RARB: variants seen among roughly 807,000 people sequenced by gnomAD.
The protein encoded by RARB is HBV-activated protein.
Under a neutral mutation model 51.9 loss-of-function variants are expected in RARB, and 17 were observed. The observed-to-expected ratio is 0.33, with a 90% CI of 0.22 to 0.49. The LOEUF (loss-of-function observed/expected upper bound fraction) is 0.49. Ranked by LOEUF, RARB falls within the 20% of genes least tolerant of loss-of-function variation. The pLI is 0.99. For synonymous variants in RARB, 215 were observed against 195.4 expected, an observed-to-expected ratio of 1.10 and a Z score of -0.84; for missense variants, 369 against 550.8, an observed-to-expected ratio of 0.67 and a Z score of 3.30.
chr3:25,511,141 GT>G (rs61573718), intron 3 of RARB, among the ~76,000 whole-genome samples: 1 of 150,704 alleles, frequency 6.6e-6, no homozygotes, highest in African/African-American at 2.4e-5. Context: ...GTTTTGGTTT[GT>G]TTTTTTTTGA....
intron 5 of RARB, among the ~76,000 whole-genome samples, chr3:25,581,475 A>G (rs1463340247): frequency 6.6e-6 from 1 of 152,118 alleles, no homozygotes; most frequent in Non-Finnish European, 1.5e-5. Flanking sequence ...TGGAAGACAA[A>G]GTGTGCTGAC....
At chr3:25,354,746 C>T (rs1156470624) in intron 5 of RARB, among the ~76,000 whole-genome samples, 1 of 152,110 alleles carries the variant, frequency 6.6e-6, no homozygotes, top group African/African-American at 2.4e-5. Flanking sequence ...GGGTTAGATA[C>T]ACTGAGCAAT....
intron 4 of RARB, among the ~76,000 whole-genome samples, chr3:25,146,755 A>G (rs1292115011): frequency 2.0e-5 from 3 of 151,624 alleles, no homozygotes; most frequent in South Asian, 4.2e-4. Flanking sequence ...TCCTGACCTC[A>G]TGATCCGCCC....
At position 25,591,272 on chromosome 3, in the gene RARB, CT is replaced by C. The variant is rs1701600444; in HGVS notation, c.787-2230del. On this transcript the variant is annotated intron_variant, in intron 5 of 7. Transcript: ENST00000330688. The stretch of plus-strand genomic sequence containing the variant: ...TGAGGACATGTCCTGATTTAGATAT[CT>C]CTCTACCACCCCTCCCAATATAAAA... 6.6e-5 allele frequency among the ~76,000 whole-genome samples: 10 copies of C among 152,302 alleles called. No individual in the cohort carries two copies. The South Asian group carries it at 2.1e-3, about 32-fold the overall frequency.
intron 5 of RARB, among the ~76,000 whole-genome samples, chr3:25,323,700 C>T (rs879889821): frequency 6.6e-6 from 1 of 152,272 alleles, no homozygotes; most frequent in South Asian, 2.1e-4. Context: ...AAGGGCCACA[C>T]ATTTTTATAG....
chr3:25,174,160 G>A (rs1700697555), exon 5 of RARB: 1 of 243,984 alleles, frequency 4.1e-6, no homozygotes, highest in African/African-American at 2.2e-5. Flanking sequence ...TGTCTCACTG[G>A]TCTTAAACTG....
chr3:25,427,058 G>A (rs75953970), upstream of RARB, among the ~76,000 whole-genome samples: 2,281 of 152,294 alleles, frequency 0.015, 29 homozygotes, highest in African/African-American at 0.033. Context: ...CAAAATATGC[G>A]TTTAATTATG....
chr3:24,952,470 T>TC (rs1364589091), intron 2 of RARB, among the ~76,000 whole-genome samples: 7 of 152,012 alleles, frequency 4.6e-5, no homozygotes, highest in African/African-American at 1.7e-4. Context: ...CTAATGGCGC[T>TC]CCCCCCATCC....
intron 5 of RARB, among the ~76,000 whole-genome samples, chr3:25,246,005 CT>C (rs1371451582): frequency 6.6e-6 from 1 of 152,082 alleles, no homozygotes; most frequent in Non-Finnish European, 1.5e-5. Context: ...TTCTTGGAGG[CT>C]TTGTTCATCC....
At chr3:25,015,024 A>C (rs559979367) in intron 2 of RARB, among the ~76,000 whole-genome samples, 1 of 152,172 alleles carries the variant, frequency 6.6e-6, no homozygotes, top group African/African-American at 2.4e-5. Context: ...TTTATCTACA[A>C]ACAGATTTGA....
At chr3:25,315,270 C>A (rs1018828044) in intron 5 of RARB, among the ~76,000 whole-genome samples, 2 of 152,128 alleles carry the variant, frequency 1.3e-5, no homozygotes, top group African/African-American at 4.8e-5. Flanking sequence ...CAGCTCAACT[C>A]CCCCTAACCA....
intron 2 of RARB, among the ~76,000 whole-genome samples, chr3:25,484,907 T>C (rs963384777): frequency 3.9e-5 from 6 of 152,198 alleles, no homozygotes; most frequent in Non-Finnish European, 7.3e-5. Flanking sequence ...GTTTAAAACA[T>C]GACTTTTCAT....
In RARB at chr3:24,942,067, A is replaced by G. The variant is rs4429593; in HGVS notation, c.-380+83315A>G. 8.4e-3 allele frequency among the ~76,000 whole-genome samples: 1,283 copies of G among 152,314 alleles called. 74 individuals are homozygous for G. The highest frequency in any genetic ancestry group is 0.077 in the Admixed American group (1,175 of 15,302). ...GGTTTCTTAGATATTTTTTGGTCCA[A>G]TGGCCTGATTTCACACATGTTTTCA... On this transcript the variant is annotated intron_variant, in intron 2 of 11. Coordinates refer to the RARB transcript ENST00000383772.
At chr3:25,303,735 C>T (rs1032573565) in intron 5 of RARB, among the ~76,000 whole-genome samples, 1 of 152,198 alleles carries the variant, frequency 6.6e-6, no homozygotes, top group Non-Finnish European at 1.5e-5. Flanking sequence ...AAACTTACCA[C>T]AATCACTGGA....
At chr3:25,357,518 A>G (rs1432625128) in intron 5 of RARB, among the ~76,000 whole-genome samples, 10 of 152,174 alleles carry the variant, frequency 6.6e-5, no homozygotes, top group Non-Finnish European at 1.2e-4. Flanking sequence ...CAGTTTAATT[A>G]GATCTCATTT....
At chr3:24,867,226 AC>A (rs1326184470) in intron 2 of RARB, among the ~76,000 whole-genome samples, 2 of 152,134 alleles carry the variant, frequency 1.3e-5, no homozygotes, top group Non-Finnish European at 2.9e-5. Flanking sequence ...CATTGGCCTT[AC>A]AAAGGTGGTT....
At chr3:25,169,714 A>C (rs1168176330) in intron 4 of RARB, among the ~76,000 whole-genome samples, 2 of 152,170 alleles carry the variant, frequency 1.3e-5, no homozygotes, top group African/African-American at 4.8e-5. Flanking sequence ...TTGGCTGGGC[A>C]CAGTGACTCA....
At chr3:25,409,017 C>T (rs1403920623) in intron 5 of RARB, among the ~76,000 whole-genome samples, 1 of 152,054 alleles carries the variant, frequency 6.6e-6, no homozygotes, top group Middle Eastern at 3.2e-3. Flanking sequence ...CTGTGTGACA[C>T]AGCGAGACTC....
chr3:25,290,921 C>T lies in RARB; in HGVS notation c.178+116346C>T, dbSNP rs138461097. Among the ~76,000 whole-genome samples the T allele has an allele frequency of 1.9e-3, 296 of 152,262 alleles. 2 individuals carry two copies. Among genetic ancestry groups the T allele is most frequent in the African/African-American group, 6.8e-3 (281 of 41,552 alleles). On this transcript the variant is annotated intron_variant, in intron 5 of 11. Coordinates refer to the RARB transcript ENST00000383772. ...TGAATTATAAGTGAAATTATATCAT[C>T]GCCAGTGTTCGAGCCCTCTCCTCAC...
Sources: gnomAD v4.1 joint callset for allele counts (sites outside exome capture counted in the v4.1 genomes callset) on GRCh38, gnomAD v4.1.1 for gene constraint, MANE v1.5 for transcripts, NCBI Gene and HGNC (gene_info 2026-07-23, HGNC 2026-07-21) for gene names.